The following PSD2 variants were observed in gnomAD, a reference collection of about 807,000 sequenced individuals.
PSD2 encodes PH and SEC7 domain-containing protein 2.
In PSD2, 38 loss-of-function variants were observed where a neutral mutation model predicts 69.8. The observed-to-expected ratio is 0.54, with a 90% CI of 0.42 to 0.71. The LOEUF is 0.71. Among genes scored for constraint, PSD2 ranks in the 30% least tolerant of loss-of-function variants. The pLI is 0.00. For missense variants in PSD2, 943 were observed against 1,014.5 expected (o/e 0.93, Z 0.96); for synonymous variants, 412 against 423.0 (o/e 0.97, Z 0.32).
At chr5:139,812,185 A>G (rs1479246401) in intron 2 of PSD2, among the ~76,000 whole-genome samples, 3 of 152,242 alleles carry the variant, frequency 2.0e-5, no homozygotes, top group Non-Finnish European at 4.4e-5. Flanking sequence ...TAAAACAATA[A>G]ATACTTATAT....
chr5:139,792,124 G>T (rs1759424523), upstream of PSD2, among the ~76,000 whole-genome samples: 1 of 149,086 alleles, frequency 6.7e-6, no homozygotes, highest in South Asian at 2.1e-4. Context: ...CAGGAGAGGG[G>T]ACATAGAATA....
At chr5:139,768,236 A>C in the PSD2 span, among the ~76,000 whole-genome samples, 1 of 152,228 alleles carries the variant, frequency 6.6e-6, no homozygotes. Flanking sequence ...AGGATAGGAC[A>C]GGCCCCAGCT....
chr5:139,820,934 T>G (rs1168467768), intron 5 of PSD2, among the ~76,000 whole-genome samples: 4 of 137,118 alleles, frequency 2.9e-5, no homozygotes, highest in Non-Finnish European at 4.7e-5. Context: ...GGCCAGAGGT[T>G]GTTTTTTTTT....
intron 1 of PSD2, among the ~76,000 whole-genome samples, chr5:139,805,019 G>C (rs1009123695): frequency 1.8e-4 from 27 of 151,320 alleles, no homozygotes; most frequent in African/African-American, 5.6e-4. Context: ...GTGAGTGTGT[G>C]CGTGTGTGTG....
chr5:139,774,299 G>A, the PSD2 span, among the ~76,000 whole-genome samples: 3 of 152,180 alleles, frequency 2.0e-5, no homozygotes, highest in Admixed American at 1.3e-4. Flanking sequence ...AGCCAGTGGT[G>A]GATCTGGGAT....
chr5:139,795,559 C>A (rs1178741562), upstream of PSD2, among the ~76,000 whole-genome samples: 26 of 151,986 alleles, frequency 1.7e-4, 2 homozygotes, highest in Admixed American at 1.7e-3. This position sits in a 1 kb window ranked among gnomAD's most constrained non-coding sequence, Gnocchi z 4.5. Context: ...GAACCCCGGG[C>A]GCTCCCCTCC....
At chr5:139,774,111 C>G in the PSD2 span, among the ~76,000 whole-genome samples, 1 of 151,652 alleles carries the variant, frequency 6.6e-6, no homozygotes. Flanking sequence ...AGGCGTGAGC[C>G]GCAGCACTCG....
chr5:139,812,354 G>A (rs1561596302), intron 2 of PSD2, among the ~76,000 whole-genome samples: 2 of 152,098 alleles, frequency 1.3e-5, no homozygotes, highest in Admixed American at 1.3e-4. Context: ...GAACACTTTG[G>A]GCAGAGGGAA....
intron 8 of PSD2, among the ~76,000 whole-genome samples, chr5:139,835,068 T>A (rs11167808): frequency 0.99 from 150,772 of 151,530 alleles, 75,011 homozygotes; most frequent in East Asian, 1. Context: ...CTCAACAAAC[T>A]TCTCCACATC....
At chr5:139,827,076 A>G (rs1245928204) in intron 7 of PSD2, among the ~76,000 whole-genome samples, 2 of 152,188 alleles carry the variant, frequency 1.3e-5, no homozygotes, top group Non-Finnish European at 2.9e-5. Context: ...AGCCTAGGTT[A>G]CCCGAATCAA....
At chr5:139,764,858 C>T in the PSD2 span, among the ~76,000 whole-genome samples, 1 of 152,172 alleles carries the variant, frequency 6.6e-6, no homozygotes, top group Non-Finnish European at 1.5e-5. Flanking sequence ...AGGTTCTGGT[C>T]AGGGCAGGAT....
intron 1 of PSD2, among the ~76,000 whole-genome samples, chr5:139,797,212 C>A (rs916214906): frequency 6.6e-5 from 10 of 152,214 alleles, no homozygotes; most frequent in African/African-American, 2.4e-4. Flanking sequence ...TCCCAGCAGC[C>A]CCTTTCCCCA....
the PSD2 span, among the ~76,000 whole-genome samples, chr5:139,777,819 G>C: frequency 6.6e-6 from 1 of 152,082 alleles, no homozygotes; most frequent in African/African-American, 2.4e-5. Context: ...GGAGGTTGAG[G>C]CTACAGTGAG....
chr5:139,787,318 C>T, the PSD2 span, among the ~76,000 whole-genome samples: 3 of 152,294 alleles, frequency 2.0e-5, no homozygotes, highest in East Asian at 5.8e-4. Flanking sequence ...ACCCCCACGC[C>T]CCAGTGCAAC....
In PSD2 at chr5:139,843,883, A is replaced by G; in HGVS notation, c.*1409A>G. On this transcript the variant is annotated 3_prime_UTR_variant, in exon 15 of 15. Transcript: ENST00000274710. The stretch of plus-strand genomic sequence containing the variant: ...TTAAATAGATTACTGTAGTTTGGCC[A>G]GGAATTTGGCGTCAGTGGTAACACA... The G allele has an allele frequency of 6.6e-6, 1 of 152,378 alleles. No homozygotes were observed. Among genetic ancestry groups the G allele is most frequent in the East Asian group, 1.9e-4 (1 of 5,184 alleles). 9.4% of individuals were successfully genotyped at this position (152,378 alleles called of 1,614,324 possible). A position where few individuals can be genotyped will look rare whatever the true frequency, so the allele number is the denominator to read the frequency against.
chr5:139,837,149 C>A lies in PSD2; in HGVS notation c.1595-19C>A, dbSNP rs749416149. 4 of 1,613,370 alleles carry A rather than the reference C, an allele frequency of 2.5e-6. No individual in the cohort carries two copies. The Admixed American group carries it at 5.0e-5, about 20-fold the overall frequency. On this transcript the variant is annotated intron_variant, in intron 10 of 14. Transcript: ENST00000274710. This position sits in a 1 kb window ranked among gnomAD's most constrained non-coding sequence, Gnocchi z 5.0. ...GCAGAGGGTGGCTGCAGCCACACTACCAGTGCCCTCCTCCCCAGCGCCCCG... is the reference window on the plus strand; with the variant it reads ...GCAGAGGGTGGCTGCAGCCACACTAACAGTGCCCTCCTCCCCAGCGCCCCG...
At chr5:139,766,997 C>G in the PSD2 span, among the ~76,000 whole-genome samples, 5 of 136,434 alleles carry the variant, frequency 3.7e-5, no homozygotes, top group Admixed American at 7.8e-5. Flanking sequence ...TTCTTTCTTT[C>G]CTTCTTTCTT....
chr5:139,797,632 G>T (rs138812695), intron 1 of PSD2, among the ~76,000 whole-genome samples: 2 of 152,278 alleles, frequency 1.3e-5, no homozygotes, highest in East Asian at 3.9e-4. Context: ...AGACAGGACT[G>T]AGAGAGAGAG....
the PSD2 span, among the ~76,000 whole-genome samples, chr5:139,783,923 C>T: frequency 7.5e-6 from 1 of 133,902 alleles, no homozygotes. Context: ...TCCCCTTTCC[C>T]CTTTCTCCTT....
Sources: gnomAD v4.1 joint callset for allele counts (sites outside exome capture counted in the v4.1 genomes callset) on GRCh38, gnomAD v4.1.1 for gene constraint, Gnocchi (gnomAD v3.1) non-coding constraint, MANE v1.5 for transcripts, NCBI Gene and HGNC (gene_info 2026-07-23, HGNC 2026-07-21) for gene names.